The following AGMO variants were observed in gnomAD, a reference collection of about 807,000 sequenced individuals.
AGMO encodes the protein alkylglycerol monooxygenase.
In AGMO, 75 loss-of-function variants were observed where a neutral mutation model predicts 60.2. That is an observed-to-expected ratio of 1.25 (90% CI 1.03 to 1.51). The LOEUF (loss-of-function observed/expected upper bound fraction) is 1.51, where lower values mean the gene tolerates loss of function less well. AGMO is among the 40% of genes most tolerant of loss of function. The pLI, the probability that AGMO is intolerant of heterozygous loss-of-function variation, is 0.00. For missense variants in AGMO, 763 were observed against 525.5 expected (o/e 1.45, Z -4.42); for synonymous variants, 261 against 177.1 (o/e 1.47, Z -3.76).
intron 12 of AGMO, among the ~76,000 whole-genome samples, chr7:15,320,209 T>A (rs573172879): frequency 6.6e-6 from 1 of 152,122 alleles, no homozygotes; most frequent in South Asian, 2.1e-4. Flanking sequence ...CACGTATACA[T>A]ATGTAACAAA....
Position 15,310,784 on chromosome 7 carries a change from C to T in AGMO, c.1263+54730G>A, listed in dbSNP as rs763447891. Among the ~76,000 whole-genome samples, 78 of 152,230 alleles carry T rather than the reference C, an allele frequency of 5.1e-4. 1 individual carries two copies. Among genetic ancestry groups the T allele is most frequent in the Middle Eastern group, 3.4e-3 (1 of 294 alleles). ...GAGGTCAGAAGTCTGAAATGGGCCT[C>T]ACTGTTCGAAAATCAAGGTGTTGGC... is the stretch of plus-strand genomic sequence containing the variant. On this transcript the variant is annotated intron_variant, in intron 12 of 12. Coordinates refer to ENST00000342526, the MANE Select transcript of AGMO (RefSeq NM_001004320.2).
chr7:15,394,655 G>C (rs768819157), intron 5 of AGMO, among the ~76,000 whole-genome samples: 11 of 152,180 alleles, frequency 7.2e-5, no homozygotes, highest in South Asian at 4.2e-4. Context: ...CTTTATTTAC[G>C]GGAGCAGGGT....
At chr7:15,458,982 G>A (rs1014392821) in intron 3 of AGMO, among the ~76,000 whole-genome samples, 1 of 152,052 alleles carries the variant, frequency 6.6e-6, no homozygotes, top group Non-Finnish European at 1.5e-5. Context: ...GTCAGAAGAG[G>A]AATATGAGCA....
the AGMO span, among the ~76,000 whole-genome samples, chr7:15,133,537 C>A: frequency 6.6e-6 from 1 of 152,010 alleles, no homozygotes; most frequent in African/African-American, 2.4e-5. Flanking sequence ...GGGATAAGGA[C>A]CAAGAGGCAA....
At chr7:15,379,600 G>T (rs150779673) in intron 10 of AGMO, among the ~76,000 whole-genome samples, 1 of 152,034 alleles carries the variant, frequency 6.6e-6, no homozygotes, top group African/African-American at 2.4e-5. Flanking sequence ...CTAAAATTGA[G>T]GCAGTAACAA....
chr7:15,344,738 T>C (rs182579435), intron 12 of AGMO, among the ~76,000 whole-genome samples: 1 of 152,284 alleles, frequency 6.6e-6, no homozygotes, highest in East Asian at 1.9e-4. Flanking sequence ...ATGCAGATTT[T>C]CTTTGCTCTC....
intron 12 of AGMO, among the ~76,000 whole-genome samples, chr7:15,252,744 T>C (rs955443280): frequency 6.6e-6 from 1 of 152,176 alleles, no homozygotes; most frequent in African/African-American, 2.4e-5. Flanking sequence ...GCCTGTTAGA[T>C]TTCCAGCTGG....
downstream of AGMO, among the ~76,000 whole-genome samples, chr7:15,197,660 G>C (rs1299573775): frequency 6.6e-6 from 1 of 152,220 alleles, no homozygotes; most frequent in Non-Finnish European, 1.5e-5. Flanking sequence ...AATCCTATAA[G>C]TAAACTTACG....
intron 3 of AGMO, among the ~76,000 whole-genome samples, chr7:15,497,898 A>G (rs1310527718): frequency 1.3e-5 from 2 of 152,174 alleles, no homozygotes; most frequent in East Asian, 3.9e-4. Context: ...GCAGATTTAA[A>G]GACCAATGCC....
At chr7:15,291,566 T>A (rs1478894066) in intron 12 of AGMO, among the ~76,000 whole-genome samples, 1 of 152,152 alleles carries the variant, frequency 6.6e-6, no homozygotes, top group Non-Finnish European at 1.5e-5. Flanking sequence ...TCTTAAAATT[T>A]CTTTTTTCAA....
In AGMO at chr7:15,544,818, G is replaced by A; in HGVS notation, c.363C>T (p.Phe121=). 3 of 1,609,686 alleles carry A rather than the reference G, an allele frequency of 1.9e-6. No individual in the cohort carries two copies. Among genetic ancestry groups the A allele is most frequent in the African/African-American group, 2.7e-5 (2 of 74,876 alleles). ...AGTAGTAGCCAAAGTCAACTCCTAA[G>A]AAGGCTGAATACCAAGTCCATGGAG... ...WDSPWTWYSA[F]LGVDFGYYWF... The change falls in exon 3 of 13, where the codon TTC becomes TTT. Residue 121 remains phenylalanine (F), a synonymous_variant. Transcript: ENST00000342526.
At chr7:15,446,938 A>G (rs936262895) in intron 3 of AGMO, among the ~76,000 whole-genome samples, 1 of 152,160 alleles carries the variant, frequency 6.6e-6, no homozygotes. Flanking sequence ...TTGTCAGCCA[A>G]TATCCAGAAG....
intron 5 of AGMO, 57 bp downstream of exon 5, chr7:15,418,501 G>A (rs1436717427): frequency 2.8e-6 from 3 of 1,074,682 alleles, no homozygotes; most frequent in Admixed American, 4.3e-5. Context: ...TGGATTTCCA[G>A]GACATTGCTT....
At chr7:15,192,829 C>G in the AGMO span, among the ~76,000 whole-genome samples, 2 of 152,168 alleles carry the variant, frequency 1.3e-5, no homozygotes, top group East Asian at 3.9e-4. Flanking sequence ...ACTAGCCACA[C>G]CCCTGTCGTA....
At chr7:15,354,445 CGTGTGTGTAT>C (rs1782417178) in intron 12 of AGMO, among the ~76,000 whole-genome samples, 19 of 16,256 alleles carry the variant, frequency 1.2e-3, no homozygotes, top group South Asian at 3.7e-3. Context: ...TGTATACACA[CGTGTGTGTAT>C]ACACACGTGT....
At chr7:15,313,329 G>A (rs75857835) in intron 12 of AGMO, among the ~76,000 whole-genome samples, 67 of 152,256 alleles carry the variant, frequency 4.4e-4, no homozygotes, top group African/African-American at 1.6e-3. Flanking sequence ...CTGTCAGGGA[G>A]CTAATATTAA....
chr7:15,360,579 T>TGAGGAG (rs576255112), intron 12 of AGMO, among the ~76,000 whole-genome samples: 3 of 152,162 alleles, frequency 2.0e-5, no homozygotes, highest in Admixed American at 2.0e-4. Flanking sequence ...TTAAGTAGTC[T>TGAGGAG]GAGGAGGAGG....
intron 12 of AGMO, among the ~76,000 whole-genome samples, chr7:15,328,621 T>A (rs1180763536): frequency 6.6e-6 from 1 of 152,146 alleles, no homozygotes; most frequent in Non-Finnish European, 1.5e-5. Flanking sequence ...AAGCAGCCAT[T>A]AAGGGTTTCA....
chr7:15,340,788 G>A (rs1031394561), intron 12 of AGMO, among the ~76,000 whole-genome samples: 29 of 152,182 alleles, frequency 1.9e-4, no homozygotes, highest in African/African-American at 6.5e-4. Context: ...GAAAACCTCT[G>A]CTAGGGCAGT....
Sources: gnomAD v4.1 joint callset for allele counts (sites outside exome capture counted in the v4.1 genomes callset) on GRCh38, gnomAD v4.1.1 for gene constraint, MANE v1.5 for transcripts, NCBI Gene and HGNC (gene_info 2026-07-23, HGNC 2026-07-21) for gene names.